The following ARMH4 variants were observed in gnomAD, a reference collection of about 807,000 sequenced individuals.
ARMH4 encodes the protein armadillo like helical domain containing 4, also known as armadillo-like helical domain-containing protein 4.
A neutral mutation model predicts 61.9 loss-of-function variants in ARMH4; 49 were observed. The observed-to-expected ratio is 0.79, with a 90% CI of 0.63 to 1.00. The LOEUF (loss-of-function observed/expected upper bound fraction) is 1.00. Among genes scored for constraint, ARMH4 ranks in the 50% least tolerant of loss-of-function variants. The pLI is 0.00. For synonymous variants in ARMH4, 368 were observed against 341.5 expected (o/e 1.08, Z -0.85); for missense variants, 934 against 930.0 (o/e 1.00, Z -0.06).
intron 5 of ARMH4, among the ~76,000 whole-genome samples, chr14:58,031,849 T>C (rs187143129): frequency 1.3e-3 from 195 of 152,236 alleles, no homozygotes; most frequent in African/African-American, 4.4e-3. Flanking sequence ...ATTTTCACCT[T>C]AGTACCACAA....
At chr14:58,151,693 G>A (rs551687012) in intron 1 of ARMH4, among the ~76,000 whole-genome samples, 14 of 152,362 alleles carry the variant, frequency 9.2e-5, no homozygotes, top group African/African-American at 3.1e-4. Flanking sequence ...CTCTCTCACT[G>A]CTGTGGGATT....
chr14:58,053,857 G>A (rs1884229845), intron 5 of ARMH4, among the ~76,000 whole-genome samples: 1 of 152,166 alleles, frequency 6.6e-6, no homozygotes. Flanking sequence ...CCATTCCGTA[G>A]TGACAACCAC....
intron 1 of ARMH4, among the ~76,000 whole-genome samples, chr14:58,145,478 T>C (rs1887706713): frequency 6.6e-6 from 1 of 152,226 alleles, no homozygotes; most frequent in Non-Finnish European, 1.5e-5. Context: ...TGGAGTCATG[T>C]GGACTGAGAG....
intron 5 of ARMH4, among the ~76,000 whole-genome samples, chr14:58,017,353 A>T (rs1284615895): frequency 6.6e-6 from 1 of 152,196 alleles, no homozygotes; most frequent in Non-Finnish European, 1.5e-5. Flanking sequence ...CGCTGTTTGC[A>T]GATGACATAA....
chr14:58,013,096 T>G (rs927332381), intron 5 of ARMH4, among the ~76,000 whole-genome samples: 25 of 152,220 alleles, frequency 1.6e-4, no homozygotes, highest in Non-Finnish European at 3.4e-4. Flanking sequence ...CTTTTAAGAT[T>G]TCCTGAAATT....
Position 58,032,962 on chromosome 14 carries a change from A to G in ARMH4, c.2090-20812T>C, listed in dbSNP as rs1249189536. Among the ~76,000 whole-genome samples the G allele has an allele frequency of 3.0e-3, 443 of 147,830 alleles. 1 individual carries two copies. The East Asian group carries it at 0.036, about 12-fold the overall frequency. On this transcript the variant is annotated intron_variant, in intron 5 of 7. Coordinates refer to ENST00000267485, the MANE Select transcript of ARMH4 (RefSeq NM_001001872.4). ...TCTAAGATCAAACTGCAAGGCGGCAACGAGGCTGGGGGAGGGGCGCCCGCC... is the reference window on the plus strand; with the variant it reads ...TCTAAGATCAAACTGCAAGGCGGCAGCGAGGCTGGGGGAGGGGCGCCCGCC...
Position 58,042,634 on chromosome 14 carries a change from A to C in ARMH4, c.2090-30484T>G, listed in dbSNP as rs544301088. 6.8e-3 allele frequency among the ~76,000 whole-genome samples: 1,039 copies of C among 152,238 alleles called. 11 individuals carry two copies. The highest frequency in any genetic ancestry group is 0.023 in the African/African-American group (957 of 41,548). ...CTGAAGGAGATAGAGACACAAAAAAACCTTCAAAAAATCAATGACTCCAGG... is the reference window on the plus strand; with the variant it reads ...CTGAAGGAGATAGAGACACAAAAAACCCTTCAAAAAATCAATGACTCCAGG... On this transcript the variant is annotated intron_variant, in intron 5 of 7. Coordinates refer to ENST00000267485, the MANE Select transcript of ARMH4 (RefSeq NM_001001872.4).
At chr14:58,009,052 T>C (rs977932641) in intron 6 of ARMH4, among the ~76,000 whole-genome samples, 3 of 152,230 alleles carry the variant, frequency 2.0e-5, no homozygotes, top group Non-Finnish European at 4.4e-5. Context: ...CAGTTAATGA[T>C]GGAATTAATA....
intron 5 of ARMH4, among the ~76,000 whole-genome samples, chr14:58,072,850 A>C (rs939861335): frequency 6.6e-6 from 1 of 152,188 alleles, no homozygotes; most frequent in Non-Finnish European, 1.5e-5. Context: ...ACAAGACCAC[A>C]GGGTGTTTGG....
At chr14:58,047,496 G>A (rs553992598) in intron 5 of ARMH4, among the ~76,000 whole-genome samples, 1 of 152,124 alleles carries the variant, frequency 6.6e-6, no homozygotes. Flanking sequence ...AACCCTGTAA[G>A]GTAGGTACAG....
At chr14:58,028,389 C>G (rs1403674889) in intron 5 of ARMH4, among the ~76,000 whole-genome samples, 2 of 152,196 alleles carry the variant, frequency 1.3e-5, no homozygotes, top group Non-Finnish European at 2.9e-5. Context: ...GCACATTAAT[C>G]TCTGAGTTGG....
intron 5 of ARMH4, among the ~76,000 whole-genome samples, chr14:58,042,442 T>A (rs1225745536): frequency 6.6e-6 from 1 of 152,110 alleles, no homozygotes; most frequent in Non-Finnish European, 1.5e-5. Context: ...TGGGACACAT[T>A]CAAAGCAGTG....
chr14:58,140,461 A>C (rs529759731), intron 1 of ARMH4, among the ~76,000 whole-genome samples: 1 of 151,536 alleles, frequency 6.6e-6, no homozygotes, highest in South Asian at 2.1e-4. Context: ...CACATCTGTA[A>C]TCCCAGCTGC....
In ARMH4 at chr14:58,088,456, GA is replaced by G. The variant is rs201441722; in HGVS notation, c.2089+8267del. ...AGCACCAGGGTGTCTTAGCTAATGT[GA>G]AAAAAAAAAAAAGAGGTCTGCACCC... is the stretch of plus-strand genomic sequence containing the variant. On this transcript the variant is annotated intron_variant, in intron 5 of 7. Coordinates refer to ENST00000267485, the MANE Select transcript of ARMH4 (RefSeq NM_001001872.4). Among the ~76,000 whole-genome samples the G allele has an allele frequency of 8.0e-3, 1,115 of 140,040 alleles. 13 individuals carry two copies. The highest frequency in any genetic ancestry group is 0.046 in the East Asian group (224 of 4,822). The allele number at this position is 140,040 out of a possible 152,430, so 91.9% of individuals were successfully genotyped here.
At chr14:58,115,401 AT>A (rs1886484645) in intron 4 of ARMH4, among the ~76,000 whole-genome samples, 1 of 152,196 alleles carries the variant, frequency 6.6e-6, no homozygotes, top group Non-Finnish European at 1.5e-5. Context: ...CAGAATGGTT[AT>A]TATTAGAAGT....
intron 1 of ARMH4, among the ~76,000 whole-genome samples, chr14:58,146,979 G>A (rs561863763): frequency 8.7e-4 from 132 of 152,252 alleles, no homozygotes; most frequent in African/African-American, 2.9e-3. Context: ...GTGACAGTTC[G>A]CTTTATATTT....
intron 4 of ARMH4, among the ~76,000 whole-genome samples, chr14:58,107,991 C>T (rs550794527): frequency 1.1e-4 from 16 of 152,092 alleles, no homozygotes; most frequent in Non-Finnish European, 2.1e-4. Context: ...AATCAAAAGC[C>T]ATTGTTTCCA....
intron 5 of ARMH4, among the ~76,000 whole-genome samples, chr14:58,025,008 A>G (rs113118658): frequency 6.6e-6 from 1 of 152,186 alleles, no homozygotes; most frequent in African/African-American, 2.4e-5. Context: ...CTGAAATATC[A>G]AGAGAATTAC....
At chr14:58,072,720 T>TA (rs78657038) in intron 5 of ARMH4, among the ~76,000 whole-genome samples, 2,309 of 143,172 alleles carry the variant, frequency 0.016, 36 homozygotes, top group African/African-American at 0.036. Flanking sequence ...AGACTCCATC[T>TA]AAAAAAAAAA....
Sources: allele counts gnomAD v4.1 joint callset (sites outside exome capture counted in the v4.1 genomes callset), GRCh38; gene constraint gnomAD v4.1.1; transcripts MANE v1.5; gene names NCBI Gene and HGNC (gene_info 2026-07-23, HGNC 2026-07-21).